The following DOCK4 variants were observed in gnomAD, a reference collection of about 807,000 sequenced individuals.
DOCK4 encodes dedicator of cytokinesis protein 4.
Under a neutral mutation model 268.1 loss-of-function variants are expected in DOCK4, and 97 were observed. The observed-to-expected ratio is 0.36, with a 90% CI of 0.31 to 0.43. The LOEUF is 0.43. DOCK4 is among the 20% of genes least tolerant of loss of function. The probability of loss-of-function intolerance (pLI) is 1.00; values close to 1 mark genes in which losing one functional copy is unlikely to be tolerated. For missense variants in DOCK4, 2,145 were observed against 2,455.7 expected, an observed-to-expected ratio of 0.87 and a Z score of 2.67; for synonymous variants, 954 against 887.2, an observed-to-expected ratio of 1.08 and a Z score of -1.34.
chr7:111,743,072 G>A (rs1297592188), intron 44 of DOCK4, among the ~76,000 whole-genome samples: 3 of 151,986 alleles, frequency 2.0e-5, no homozygotes, highest in Non-Finnish European at 1.5e-5. Flanking sequence ...GAGAGAGCAG[G>A]TCCTACTTAA....
intron 1 of DOCK4, among the ~76,000 whole-genome samples, chr7:112,160,988 T>C (rs2116493717): frequency 6.6e-6 from 1 of 152,292 alleles, no homozygotes; most frequent in South Asian, 2.1e-4. Flanking sequence ...ATTTAACTAA[T>C]ATTTGCAGGG....
chr7:111,731,902 G>A (rs1795114691), intron 52 of DOCK4, among the ~76,000 whole-genome samples: 1 of 152,152 alleles, frequency 6.6e-6, no homozygotes. Flanking sequence ...TAAAAGGCCA[G>A]GCTGAAAGTT....
At chr7:112,131,694 T>G (rs1027280312) in intron 1 of DOCK4, among the ~76,000 whole-genome samples, 2 of 151,980 alleles carry the variant, frequency 1.3e-5, no homozygotes. Flanking sequence ...GAACCAAAAA[T>G]CATGTCAGCT....
At chr7:111,868,840 T>C (rs1483860166) in intron 21 of DOCK4, among the ~76,000 whole-genome samples, 1 of 152,228 alleles carries the variant, frequency 6.6e-6, no homozygotes, top group Non-Finnish European at 1.5e-5. Context: ...TAATTTTGTT[T>C]TGACAGGTAG....
chr7:111,728,520 CGGCACG>C lies in DOCK4; in HGVS notation c.5676_5681del (p.Val1893_Pro1894del). On this transcript the variant is annotated inframe_deletion, in exon 53 of 53. Coordinates refer to ENST00000428084, the MANE Select transcript of DOCK4 (RefSeq NM_001363540.2). ...GCACTGGCTCCTCCCCGCCGTAGCTCGGCACGGGCACCGGCACTGGCACCGGCAGGG... is the reference window on the plus strand; with the variant it reads ...GCACTGGCTCCTCCCCGCCGTAGCTCGGCACCGGCACTGGCACCGGCAGGG... The C allele has an allele frequency of 6.2e-7, 1 of 1,613,324 alleles. No homozygotes were observed. The highest frequency in any genetic ancestry group is 8.5e-7 in the Non-Finnish European group (1 of 1,179,820).
intron 27 of DOCK4, among the ~76,000 whole-genome samples, chr7:111,816,392 T>C (rs1231265191): frequency 6.6e-6 from 1 of 152,136 alleles, no homozygotes; most frequent in African/African-American, 2.4e-5. Context: ...CAAAGACATT[T>C]TGGGGAGATG....
intron 23 of DOCK4, 55 bp downstream of exon 23, chr7:111,863,317 A>C (rs1234609630): frequency 6.2e-7 from 1 of 1,602,394 alleles, no homozygotes; most frequent in African/African-American, 1.3e-5. Flanking sequence ...AATGGCTACA[A>C]AATATACAAA....
intron 1 of DOCK4, among the ~76,000 whole-genome samples, chr7:112,009,162 C>G (rs1156895909): frequency 6.6e-6 from 1 of 152,132 alleles, no homozygotes; most frequent in African/African-American, 2.4e-5. Context: ...ACAGGCTGAC[C>G]ATCTAAGAGG....
intron 1 of DOCK4, among the ~76,000 whole-genome samples, chr7:112,142,811 G>T (rs1042097374): frequency 4.6e-5 from 7 of 151,944 alleles, no homozygotes; most frequent in African/African-American, 1.7e-4. Context: ...TTTTAAACCT[G>T]AAGTAGGTGG....
At chr7:112,020,399 G>A (rs1033168292) in intron 1 of DOCK4, among the ~76,000 whole-genome samples, 3 of 152,120 alleles carry the variant, frequency 2.0e-5, no homozygotes, top group Non-Finnish European at 2.9e-5. Flanking sequence ...CCTTTTGCTT[G>A]TTAAAGCATA....
intron 52 of DOCK4, among the ~76,000 whole-genome samples, chr7:111,730,473 G>C (rs1795006585): frequency 6.6e-6 from 1 of 152,144 alleles, no homozygotes; most frequent in Admixed American, 6.5e-5. Context: ...AACGCTGGTA[G>C]ATACACATCC....
intron 36 of DOCK4, among the ~76,000 whole-genome samples, chr7:111,769,904 A>T (rs1017313858): frequency 1.3e-5 from 2 of 151,966 alleles, no homozygotes; most frequent in Non-Finnish European, 2.9e-5. Flanking sequence ...TGTTTCCTGT[A>T]TTTTCGTTTC....
intron 1 of DOCK4, among the ~76,000 whole-genome samples, chr7:112,140,002 C>T (rs1435170604): frequency 6.6e-6 from 1 of 152,104 alleles, no homozygotes; most frequent in Non-Finnish European, 1.5e-5. Flanking sequence ...ACAGCTCAAT[C>T]CCCTTACAGT....
chr7:111,788,018 A>C (rs2133790973), intron 32 of DOCK4, among the ~76,000 whole-genome samples: 1 of 152,312 alleles, frequency 6.6e-6, no homozygotes, highest in Admixed American at 6.5e-5. Flanking sequence ...ACTTGGTACA[A>C]GCAATTCATC....
chr7:111,874,918 C>T (rs1806724360), intron 17 of DOCK4, among the ~76,000 whole-genome samples: 1 of 152,210 alleles, frequency 6.6e-6, no homozygotes, highest in South Asian at 2.1e-4. Context: ...GACCATATCA[C>T]TTAGTAAATG....
Position 111,984,353 on chromosome 7 carries a change from C to T in DOCK4, c.502G>A (p.Ala168Thr), listed in dbSNP as rs368007201. ...GLDLVPRKEYAMVDPEDISIT... is the reference protein window; with the variant it reads ...GLDLVPRKEYTMVDPEDISIT... ...CTGATGTCTTCCGGATCCACCATTG[C>T]GTACTCTTTCCTAGGCACCAGGTCC... is the stretch of plus-strand genomic sequence containing the variant. The change falls in exon 7 of 53, where the codon GCA becomes ACA. Residue 168 changes from alanine to threonine, a missense_variant. Physicochemically the swap from Ala to Thr is moderately conservative, Grantham distance 58. Around this residue, in one of 2 missense-constraint regions of DOCK4, gnomAD observed 1,598 missense variants for 1,986.7 expected, o/e 0.80. Coordinates refer to ENST00000428084, the MANE Select transcript of DOCK4 (RefSeq NM_001363540.2). 15 of 1,613,318 alleles carry T rather than the reference C, an allele frequency of 9.3e-6. No individual in the cohort carries two copies. The highest frequency in any genetic ancestry group is 8.8e-5 in the South Asian group (8 of 90,910).
At chr7:112,079,764 T>C (rs1207757094) in intron 1 of DOCK4, among the ~76,000 whole-genome samples, 1 of 152,210 alleles carries the variant, frequency 6.6e-6, no homozygotes, top group African/African-American at 2.4e-5. Context: ...CACATGCTGT[T>C]ATAAAGAGTA....
At chr7:111,744,548 T>G (rs923206796) in intron 44 of DOCK4, among the ~76,000 whole-genome samples, 5 of 152,224 alleles carry the variant, frequency 3.3e-5, no homozygotes, top group African/African-American at 1.2e-4. Context: ...TCCCTGGTTT[T>G]ATTTTTCTTG....
intron 1 of DOCK4, among the ~76,000 whole-genome samples, chr7:112,007,198 A>C (rs1800931211): frequency 6.6e-6 from 1 of 152,180 alleles, no homozygotes; most frequent in African/African-American, 2.4e-5. Flanking sequence ...GTAAGGCATC[A>C]CATAATATTA....
Sources: allele counts gnomAD v4.1 joint callset (sites outside exome capture counted in the v4.1 genomes callset), GRCh38; gene constraint gnomAD v4.1.1; regional missense constraint gnomAD v4.1.1; transcripts MANE v1.5; gene names NCBI Gene and HGNC (gene_info 2026-07-23, HGNC 2026-07-21).